Variants in SPIDR observed in about 807,000 individuals in gnomAD.
SPIDR encodes the protein scaffold protein involved in DNA repair.
In SPIDR, 93 loss-of-function variants were observed where a neutral mutation model predicts 104.6. The observed-to-expected ratio is 0.89, with a 90% CI of 0.75 to 1.06. The LOEUF (loss-of-function observed/expected upper bound fraction) is 1.06, where lower values mean the gene tolerates loss of function less well. Among genes scored for constraint, SPIDR ranks in the 50% least tolerant of loss-of-function variants. The pLI is 0.00. For missense variants in SPIDR, 1,154 were observed against 1,111.2 expected (o/e 1.04, Z -0.55); for synonymous variants, 431 against 416.9 (o/e 1.03, Z -0.41).
At chr8:47,369,252 G>A (rs1399013468) in intron 5 of SPIDR, among the ~76,000 whole-genome samples, 1 of 152,206 alleles carries the variant, frequency 6.6e-6, no homozygotes, top group Non-Finnish European at 1.5e-5. Flanking sequence ...CAAGGAGTAA[G>A]AGAGGCAGCT....
At chr8:47,322,540 G>A (rs2046872817) in intron 5 of SPIDR, among the ~76,000 whole-genome samples, 1 of 152,152 alleles carries the variant, frequency 6.6e-6, no homozygotes, top group South Asian at 2.1e-4. Flanking sequence ...CGATTCCTCA[G>A]GGATCTAGAA....
rs2086127300 is a variant in SPIDR at position 47,735,365 on chromosome 8, A to T, written c.2663A>T (p.Gln888Leu). Residue 888 changes from glutamine to leucine, a missense_variant, in exon 20 of 20, where the codon CAG becomes CTG. Transcript: ENST00000297423. ...KEVGLLNCFV[Q>L]SVTAHPTSCI... ...GTGGGGTTGTTAAATTGTTTTGTCC[A>T]GTCCGTAACCGCCCACCCGACCAGC... The T allele has an allele frequency of 1.2e-6, 2 of 1,613,950 alleles. No homozygotes were observed. The highest frequency in any genetic ancestry group is 1.3e-5 in the African/African-American group (1 of 74,922).
At chr8:47,303,639 A>G (rs1244333244) in intron 5 of SPIDR, among the ~76,000 whole-genome samples, 3 of 152,102 alleles carry the variant, frequency 2.0e-5, no homozygotes, top group African/African-American at 4.8e-5. Flanking sequence ...CTTCCATTCT[A>G]TTAACGTGGT....
At chr8:47,650,036 T>G (rs1339693327) in intron 10 of SPIDR, among the ~76,000 whole-genome samples, 1 of 152,158 alleles carries the variant, frequency 6.6e-6, no homozygotes, top group African/African-American at 2.4e-5. Context: ...GCATTCCCCT[T>G]GATAACTGGA....
chr8:47,298,314 T>C lies in SPIDR; in HGVS notation c.525+4284T>C, dbSNP rs1315813661. Among the ~76,000 whole-genome samples, 617 of 152,364 alleles carry C rather than the reference T, an allele frequency of 4.0e-3. 4 individuals are homozygous for C. Among genetic ancestry groups the C allele is most frequent in the South Asian group, 0.022 (108 of 4,832 alleles). ...ACTTTTTGATGGGGTTGTTTTTTTC[T>C]TGTAAATTTGTTTGAGTTCATTGTA... On this transcript the variant is annotated intron_variant, in intron 5 of 19. Coordinates refer to ENST00000297423, the MANE Select transcript of SPIDR (RefSeq NM_001080394.4).
intron 8 of SPIDR, among the ~76,000 whole-genome samples, chr8:47,559,932 A>G (rs570855266): frequency 6.6e-6 from 1 of 152,236 alleles, no homozygotes; most frequent in Non-Finnish European, 1.5e-5. Context: ...TAAGAATAAC[A>G]TTAACATAAT....
intron 5 of SPIDR, among the ~76,000 whole-genome samples, chr8:47,365,180 G>A (rs1413025709): frequency 6.6e-6 from 1 of 152,198 alleles, no homozygotes; most frequent in Non-Finnish European, 1.5e-5. Flanking sequence ...ATCTGTGGGT[G>A]AATCCGCCCT....
intron 10 of SPIDR, among the ~76,000 whole-genome samples, chr8:47,631,195 G>T (rs7827571): frequency 0.67 from 101,924 of 152,036 alleles, 34,483 homozygotes; most frequent in East Asian, 0.81. Context: ...TGCAACCCAT[G>T]GATCCTCTGA....
intron 8 of SPIDR, among the ~76,000 whole-genome samples, chr8:47,443,448 G>A (rs1479885237): frequency 6.6e-6 from 1 of 151,696 alleles, no homozygotes; most frequent in African/African-American, 2.4e-5. Context: ...GTGCGTGCCT[G>A]TGGTCCCAGC....
chr8:47,536,910 C>G (rs1334297267), intron 8 of SPIDR, among the ~76,000 whole-genome samples: 1 of 152,156 alleles, frequency 6.6e-6, no homozygotes, highest in Admixed American at 6.5e-5. Flanking sequence ...AATAAAAGCT[C>G]TGAACAGACA....
At chr8:47,279,013 A>G (rs985948096) in intron 1 of SPIDR, among the ~76,000 whole-genome samples, 36 of 150,746 alleles carry the variant, frequency 2.4e-4, no homozygotes, top group African/African-American at 8.8e-4. Context: ...CAGCCTCCTG[A>G]GTAGCTGGAA....
intron 7 of SPIDR, among the ~76,000 whole-genome samples, chr8:47,413,030 T>C (rs1554672900): frequency 6.6e-6 from 1 of 152,214 alleles, no homozygotes; most frequent in African/African-American, 2.4e-5. Flanking sequence ...TGAATTTCTT[T>C]CAACTGGATA....
rs190715503 is a variant in SPIDR, at chr8:47,360,764, G to A, written c.526-35612G>A. 7 of 851,426 alleles carry A rather than the reference G, an allele frequency of 8.2e-6. No individual in the cohort carries two copies. In the East Asian group the frequency reaches 8.6e-4, roughly 104 times the overall value. The allele number at this position is 851,426 out of a possible 1,614,324, so 52.7% of individuals were successfully genotyped here. The stretch of plus-strand genomic sequence containing the variant: ...GAAAAACAAAACAAAACAAAAAACA[G>A]AAGTGAAAAAGTCTGTGGGGCAAAA... On this transcript the variant is annotated intron_variant, in intron 5 of 19. Coordinates refer to ENST00000297423, the MANE Select transcript of SPIDR (RefSeq NM_001080394.4).
intron 8 of SPIDR, among the ~76,000 whole-genome samples, chr8:47,578,649 T>G (rs1200949372): frequency 6.6e-6 from 1 of 152,162 alleles, no homozygotes; most frequent in Non-Finnish European, 1.5e-5. Flanking sequence ...AACCAAACCC[T>G]GTAGACAGAT....
At chr8:47,390,894 A>G (rs181351029) in intron 5 of SPIDR, among the ~76,000 whole-genome samples, 12 of 152,292 alleles carry the variant, frequency 7.9e-5, no homozygotes, top group African/African-American at 2.9e-4. Context: ...GTCTGATTCT[A>G]CAATGTAGAA....
chr8:47,505,915 A>G (rs201930932), intron 8 of SPIDR, among the ~76,000 whole-genome samples: 2 of 152,222 alleles, frequency 1.3e-5, no homozygotes, highest in East Asian at 1.9e-4. Context: ...TATCTTGGGC[A>G]TAATTTCAGT....
chr8:47,529,864 A>G (rs2085643525), intron 8 of SPIDR, among the ~76,000 whole-genome samples: 1 of 152,252 alleles, frequency 6.6e-6, no homozygotes. Context: ...GGAGTTGCAT[A>G]GTGTTATTTA....
At chr8:47,524,152 T>A (rs898567813) in intron 8 of SPIDR, among the ~76,000 whole-genome samples, 3 of 152,198 alleles carry the variant, frequency 2.0e-5, no homozygotes, top group Admixed American at 6.5e-5. Context: ...GCTAAAAAAA[T>A]TATTCATTGT....
chr8:47,685,517 A>ATTTATTTATTTTTTTTTTTTT (rs761792229), intron 11 of SPIDR, among the ~76,000 whole-genome samples: 1 of 130,098 alleles, frequency 7.7e-6, no homozygotes, highest in Non-Finnish European at 1.7e-5. Flanking sequence ...TTATTTATTT[A>ATTTATTTATTTTTTTTTTTTT]TTTTTTTGAG....
Sources: allele counts gnomAD v4.1 joint callset (sites outside exome capture counted in the v4.1 genomes callset), GRCh38; gene constraint gnomAD v4.1.1; transcripts MANE v1.5; gene names NCBI Gene and HGNC (gene_info 2026-07-23, HGNC 2026-07-21).